NALF1: variants seen among roughly 807,000 people sequenced by gnomAD.
The protein encoded by NALF1 is NALCN channel auxiliary factor 1, also known as family with sequence similarity 155 member A.
Under a neutral mutation model 48.4 loss-of-function variants are expected in NALF1, and 3 were observed. The observed-to-expected ratio is 0.06, with a 90% confidence interval of 0.03 to 0.16. NALF1 has a LOEUF of 0.16. Ranked by LOEUF, NALF1 falls within the 10% of genes least tolerant of loss-of-function variation. The pLI is 1.00. For synonymous variants in NALF1, 262 were observed against 245.7 expected (o/e 1.07, Z -0.62); for missense variants, 526 against 571.5 (o/e 0.92, Z 0.81).
intron 1 of NALF1, among the ~76,000 whole-genome samples, chr13:107,627,194 A>G (rs551087646): frequency 5.3e-5 from 8 of 152,266 alleles, no homozygotes; most frequent in African/African-American, 1.9e-4. Context: ...TTAATTACAT[A>G]GAAAATATGT....
intron 1 of NALF1, among the ~76,000 whole-genome samples, chr13:107,590,432 G>A (rs1269512485): frequency 1.3e-5 from 2 of 151,928 alleles, no homozygotes; most frequent in Non-Finnish European, 2.9e-5. Flanking sequence ...TCCATTGGTG[G>A]AAAGAAAATA....
chr13:107,688,144 T>C (rs537736959), intron 1 of NALF1, among the ~76,000 whole-genome samples: 2 of 152,308 alleles, frequency 1.3e-5, no homozygotes, highest in East Asian at 3.9e-4. Flanking sequence ...CACATTCTCT[T>C]ATCATTTTCA....
intron 1 of NALF1, among the ~76,000 whole-genome samples, chr13:107,459,195 A>G (rs1373690688): frequency 6.6e-6 from 1 of 152,140 alleles, no homozygotes; most frequent in East Asian, 1.9e-4. Context: ...CAAAATATAC[A>G]AAGAACTCAT....
chr13:107,723,960 T>C (rs1386095061), intron 1 of NALF1, among the ~76,000 whole-genome samples: 2 of 152,336 alleles, frequency 1.3e-5, no homozygotes, highest in East Asian at 3.9e-4. Context: ...ATTTGATTTC[T>C]ACATTGATAA....
At chr13:107,582,914 G>A (rs1878355294) in intron 1 of NALF1, among the ~76,000 whole-genome samples, 1 of 152,068 alleles carries the variant, frequency 6.6e-6, no homozygotes, top group Admixed American at 6.6e-5. Flanking sequence ...TCTCACCTGG[G>A]TTTTGCTGTT....
chr13:107,706,714 T>C (rs1164113556), intron 1 of NALF1, among the ~76,000 whole-genome samples: 1 of 152,184 alleles, frequency 6.6e-6, no homozygotes, highest in Non-Finnish European at 1.5e-5. Context: ...CTAGAATGAA[T>C]GGATATACAC....
At chr13:107,216,945 A>T (rs1186163257) in intron 1 of NALF1, among the ~76,000 whole-genome samples, 1 of 152,200 alleles carries the variant, frequency 6.6e-6, no homozygotes, top group African/African-American at 2.4e-5. Context: ...ATCCAGAGAT[A>T]ATCTGCACAG....
intron 1 of NALF1, chr13:107,788,465 T>C (rs16971111): frequency 0.03 from 4,545 of 152,360 alleles, 172 homozygotes; most frequent in Admixed American, 0.12. Context: ...TTCAAGTCAC[T>C]ACCTTTCTTC....
intron 1 of NALF1, among the ~76,000 whole-genome samples, chr13:107,426,558 T>C (rs972741506): frequency 2.0e-5 from 3 of 152,184 alleles, no homozygotes; most frequent in African/African-American, 4.8e-5. Flanking sequence ...TTTTTTACCA[T>C]ATTTTCATAA....
chr13:107,496,969 C>T (rs894005355), intron 1 of NALF1, among the ~76,000 whole-genome samples: 1 of 152,148 alleles, frequency 6.6e-6, no homozygotes, highest in Non-Finnish European at 1.5e-5. Flanking sequence ...TGGGTGGGGA[C>T]ACAGAGCCAA....
At chr13:107,260,225 G>A (rs895028831) in intron 1 of NALF1, among the ~76,000 whole-genome samples, 8 of 152,214 alleles carry the variant, frequency 5.3e-5, no homozygotes, top group Admixed American at 2.6e-4. Flanking sequence ...TAAGATACTC[G>A]GGATGAAGTC....
Position 107,167,542 on chromosome 13 carries a change from T to C in NALF1, c.*2955A>G, listed in dbSNP as rs1878687844. 6.6e-6 allele frequency: 1 copy of C among 152,204 alleles called. No individual in the cohort carries two copies. Among genetic ancestry groups the C allele is most frequent in the Non-Finnish European group, 1.5e-5 (1 of 68,040 alleles). 9.4% of individuals were successfully genotyped at this position (152,204 alleles called of 1,614,324 possible). A position where few individuals can be genotyped will look rare whatever the true frequency, so the allele number is the denominator to read the frequency against. ...GTGGTTACACACTTACACTAATAAA[T>C]ACTAGGCACTGAAATCATTCTCCTG... is the stretch of plus-strand genomic sequence containing the variant. On this transcript the variant is annotated 3_prime_UTR_variant, in exon 3 of 3. Transcript: ENST00000375915.
At chr13:107,493,879 G>A (rs1273486930) in intron 1 of NALF1, among the ~76,000 whole-genome samples, 1 of 151,952 alleles carries the variant, frequency 6.6e-6, no homozygotes, top group Non-Finnish European at 1.5e-5. Flanking sequence ...GAAAGAGTGG[G>A]ACTCCATCTC....
chr13:107,828,606 TACACACACACACACACAC>T (rs60869824), intron 1 of NALF1, among the ~76,000 whole-genome samples: 4 of 103,916 alleles, frequency 3.8e-5, no homozygotes, highest in Non-Finnish European at 5.0e-5. Context: ...TCTATATCTA[TACACACACACACACACAC>T]ACACACACAC....
chr13:107,280,837 G>A lies in NALF1; in HGVS notation c.916-70082C>T, dbSNP rs185320626. Among the ~76,000 whole-genome samples, 31 of 152,262 alleles carry A rather than the reference G, an allele frequency of 2.0e-4. No individual in the cohort carries two copies. The East Asian group carries it at 5.4e-3, about 27-fold the overall frequency. ...GATTATACACTTTTGTGTCAAACCC[G>A]AAAGTCCCACAACTCAAAATTGCAT... On this transcript the variant is annotated intron_variant, in intron 1 of 2. Coordinates refer to ENST00000375915, the MANE Select transcript of NALF1 (RefSeq NM_001080396.3).
chr13:107,511,327 G>A (rs1875884681), intron 1 of NALF1, among the ~76,000 whole-genome samples: 1 of 152,170 alleles, frequency 6.6e-6, no homozygotes, highest in African/African-American at 2.4e-5. Flanking sequence ...TGTGATTGGG[G>A]TCACTAGAAA....
At chr13:107,483,326 T>C (rs1380243521) in intron 1 of NALF1, among the ~76,000 whole-genome samples, 7 of 152,140 alleles carry the variant, frequency 4.6e-5, no homozygotes, top group African/African-American at 9.7e-5. Context: ...ATCTGAAAAC[T>C]AGAAGTATAA....
intron 1 of NALF1, among the ~76,000 whole-genome samples, chr13:107,305,110 A>G (rs1881909946): frequency 6.6e-6 from 1 of 152,202 alleles, no homozygotes; most frequent in African/African-American, 2.4e-5. Flanking sequence ...TCATAGCCTC[A>G]CACTCCCCAG....
At chr13:107,616,721 A>C (rs1307234864) in intron 1 of NALF1, among the ~76,000 whole-genome samples, 1 of 152,178 alleles carries the variant, frequency 6.6e-6, no homozygotes, top group African/African-American at 2.4e-5. Context: ...CTTTGAGGTC[A>C]TCCGAATATT....
Sources: allele counts gnomAD v4.1 joint callset (sites outside exome capture counted in the v4.1 genomes callset), GRCh38; gene constraint gnomAD v4.1.1; transcripts MANE v1.5; gene names NCBI Gene and HGNC (gene_info 2026-07-23, HGNC 2026-07-21).